Variants in ABCA3 observed in about 807,000 individuals in gnomAD.
The protein encoded by ABCA3 is phospholipid-transporting ATPase ABCA3.
In ABCA3, 88 loss-of-function variants were observed where a neutral mutation model predicts 172.8. The observed-to-expected ratio is 0.51, with a 90% CI of 0.43 to 0.61. ABCA3 has a LOEUF of 0.61. Among genes scored for constraint, ABCA3 ranks in the 20% least tolerant of loss-of-function variants. The pLI is 0.00. For missense variants in ABCA3, 2,164 were observed against 2,301.0 expected (o/e 0.94, Z 1.22); for synonymous variants, 1,066 against 983.8 (o/e 1.08, Z -1.56).
intron 7 of ABCA3, among the ~76,000 whole-genome samples, chr16:2,322,043 C>G (rs1378520856): frequency 6.6e-6 from 1 of 151,820 alleles, no homozygotes; most frequent in Non-Finnish European, 1.5e-5. Flanking sequence ...ACTAAAAATA[C>G]AAAAATTAGC....
chr16:2,312,586 T>C (rs1261578543), intron 10 of ABCA3, among the ~76,000 whole-genome samples: 1 of 151,286 alleles, frequency 6.6e-6, no homozygotes, highest in East Asian at 1.9e-4. Flanking sequence ...TGGAGTGCAA[T>C]GGCACAGTCT....
Position 2,276,386 on chromosome 16 carries a change from A to G in ABCA3, c.*288T>C, listed in dbSNP as rs2093646376. The G allele has an allele frequency of 8.9e-6, 5 of 559,830 alleles. No individual in the cohort carries two copies. The highest frequency in any genetic ancestry group is 2.2e-5 in the Admixed American group (1 of 45,160). The allele number at this position is 559,830 out of a possible 1,614,324, so 34.7% of individuals were successfully genotyped here. On this transcript the variant is annotated 3_prime_UTR_variant, in exon 33 of 33. Transcript: ENST00000301732. Reference sequence around the variant, plus strand: ...GCTCAGCTGCAGCCCTTCCTGGGTCAGCTCTCCACCCAGAGACCCCGGAGC... The same window carrying G: ...GCTCAGCTGCAGCCCTTCCTGGGTCGGCTCTCCACCCAGAGACCCCGGAGC...
rs768093584 is a variant in ABCA3, at chr16:2,328,498, A to G, written c.-72T>C. 3.5e-5 allele frequency: 18 copies of G among 512,650 alleles called. No individual in the cohort carries two copies. In the East Asian group the frequency reaches 7.7e-4, roughly 22 times the overall value. 31.8% of individuals were successfully genotyped at this position (512,650 alleles called of 1,614,324 possible). A position where few individuals can be genotyped will look rare whatever the true frequency, so the allele number is the denominator to read the frequency against. On this transcript the variant is annotated 5_prime_UTR_variant, in exon 3 of 33. Coordinates refer to ENST00000301732, the MANE Select transcript of ABCA3 (RefSeq NM_001089.3). The stretch of plus-strand genomic sequence containing the variant: ...CTGAGTAAGTTCAAGTAGGCGCTGC[A>G]ACCCGCAGGAAATAGGAGAAACGTG...
rs568862138 is a variant in ABCA3, at chr16:2,330,855, C to T, written c.-538-1001G>A. Among the ~76,000 whole-genome samples the T allele has an allele frequency of 8.6e-5, 13 of 151,984 alleles. No homozygotes were observed. In the South Asian group the frequency reaches 2.3e-3, roughly 27 times the overall value. ...CTGGGACTACAGGCACCCACCACAGCGCCCGGCTAATTTTTTTTGTATTTT... is the reference window on the plus strand; with the variant it reads ...CTGGGACTACAGGCACCCACCACAGTGCCCGGCTAATTTTTTTTGTATTTT... On this transcript the variant is annotated intron_variant, in intron 1 of 32. Transcript: ENST00000301732.
chr16:2,288,828 G>C (rs62040671), intron 20 of ABCA3, among the ~76,000 whole-genome samples: 1 of 152,122 alleles, frequency 6.6e-6, no homozygotes, highest in Admixed American at 6.5e-5. Context: ...TTACAGGCAT[G>C]AGCCACCACA....
chr16:2,323,898 G>T (rs1052990559), intron 6 of ABCA3, among the ~76,000 whole-genome samples: 5 of 152,142 alleles, frequency 3.3e-5, no homozygotes, highest in Non-Finnish European at 5.9e-5. Context: ...CCCTTTTGGG[G>T]GGTGGTTCTT....
chr16:2,299,308 G>A lies in ABCA3; in HGVS notation c.1741+95C>T, dbSNP rs555916437. 1.3e-5 allele frequency: 20 copies of A among 1,565,706 alleles called. No homozygotes were observed. The African/African-American group carries it at 1.7e-4, about 14-fold the overall frequency. The stretch of plus-strand genomic sequence containing the variant: ...CTGCCGCTGTGGTTGGGGAAGGCCC[G>A]AAAGCCCCATTGAGGGAGTGAGGCG... On this transcript the variant is annotated intron_variant, in intron 14 of 32. Transcript: ENST00000301732.
chr16:2,324,369 G>C (rs1290642878), intron 6 of ABCA3, 35 bp downstream of exon 6: 3 of 1,563,008 alleles, frequency 1.9e-6, no homozygotes, highest in East Asian at 4.7e-5. Context: ...CCTTGCTGAT[G>C]GGCTGTGACT....
At chr16:2,289,765 C>A in intron 19 of ABCA3, 145 bp from the exon 20 acceptor site, 1 of 848,138 alleles carries the variant, frequency 1.2e-6, no homozygotes, top group Non-Finnish European at 1.8e-6. Flanking sequence ...CCTCACTCAT[C>A]AGTGTCTCCG....
chr16:2,295,478 C>T (rs1300386137), intron 18 of ABCA3, 112 bp downstream of exon 18: 5 of 1,530,640 alleles, frequency 3.3e-6, no homozygotes, highest in Non-Finnish European at 4.5e-6. Context: ...AGAGTGCCGA[C>T]TGGCCAGGCC....
chr16:2,303,036 T>C (rs2093691948), intron 12 of ABCA3, among the ~76,000 whole-genome samples: 1 of 151,810 alleles, frequency 6.6e-6, no homozygotes, highest in African/African-American at 2.4e-5. Context: ...TGACCTCAGG[T>C]GATCCACCCA....
rs1437445826 is a variant in ABCA3, at chr16:2,322,378, T to C, written c.613+1145A>G. On this transcript the variant is annotated intron_variant, in intron 7 of 32. Coordinates refer to ENST00000301732, the MANE Select transcript of ABCA3 (RefSeq NM_001089.3). ...TAAATGTTCCTGAAAAGTATTTCTTTCTTTTTTTTTTTAATTATACTTTAA... is the reference window on the plus strand; with the variant it reads ...TAAATGTTCCTGAAAAGTATTTCTTCCTTTTTTTTTTTAATTATACTTTAA... 2.0e-5 allele frequency among the ~76,000 whole-genome samples: 3 copies of C among 152,010 alleles called. No homozygotes were observed. The East Asian group carries it at 5.8e-4, about 29-fold the overall frequency.
At chr16:2,306,982 T>G (rs1187712009) in intron 11 of ABCA3, among the ~76,000 whole-genome samples, 11 of 120,764 alleles carry the variant, frequency 9.1e-5, no homozygotes, top group Admixed American at 8.5e-4. Context: ...GCCACTGCCC[T>G]CCAGCCTGGG....
chr16:2,338,037 A>C (rs930285092), intron 1 of ABCA3, among the ~76,000 whole-genome samples: 6 of 152,228 alleles, frequency 3.9e-5, no homozygotes, highest in Non-Finnish European at 7.3e-5. Flanking sequence ...CCGTGGCTTC[A>C]GTCCCGTTCT....
chr16:2,320,161 C>T (rs181515576), intron 7 of ABCA3, among the ~76,000 whole-genome samples: 59 of 151,932 alleles, frequency 3.9e-4, no homozygotes, highest in East Asian at 5.8e-4. Context: ...TGCAGTGGCG[C>T]GATCTTGGCT....
chr16:2,323,447 A>G, intron 7 of ABCA3, 76 bp downstream of exon 7: 1 of 1,577,952 alleles, frequency 6.3e-7, no homozygotes, highest in Non-Finnish European at 8.7e-7. Context: ...ACTTTTGCAA[A>G]GTGGGGCTGC....
At chr16:2,294,777 G>C (rs2093677239) in intron 18 of ABCA3, among the ~76,000 whole-genome samples, 1 of 152,106 alleles carries the variant, frequency 6.6e-6, no homozygotes, top group African/African-American at 2.4e-5. Context: ...GAGGTCAGGA[G>C]TTTGAGACCA....
chr16:2,325,098 CAGCAAGG>C lies in ABCA3; in HGVS notation c.320-574_320-568del, dbSNP rs370109500. On this transcript the variant is annotated intron_variant, in intron 5 of 32. Transcript: ENST00000301732. The stretch of plus-strand genomic sequence containing the variant: ...AAATGGAGGACAGCTTTCATCCCGA[CAGCAAGG>C]GTTTAGGAACGGTGAGCAGCACTCA... 7.4e-3 allele frequency among the ~76,000 whole-genome samples: 1,128 copies of C among 152,278 alleles called. 18 individuals carry two copies. Among genetic ancestry groups the C allele is most frequent in the African/African-American group, 0.026 (1,084 of 41,552 alleles).
intron 18 of ABCA3, among the ~76,000 whole-genome samples, chr16:2,294,922 G>T (rs781100776): frequency 1.2e-4 from 19 of 152,176 alleles, no homozygotes; most frequent in Non-Finnish European, 1.8e-4. Context: ...GGCAGAGGTT[G>T]CAGTGAGCTG....
Sources: allele counts gnomAD v4.1 joint callset (sites outside exome capture counted in the v4.1 genomes callset), GRCh38; gene constraint gnomAD v4.1.1; transcripts MANE v1.5; gene names NCBI Gene and HGNC (gene_info 2026-07-23, HGNC 2026-07-21).